EDNRB: variants seen among roughly 807,000 people sequenced by gnomAD.
EDNRB encodes Hirschsprung disease 2.
In EDNRB, 18 loss-of-function variants were observed where a neutral mutation model predicts 46.4. The ratio of observed to expected loss-of-function variants is 0.39; its 90% confidence interval spans 0.27 to 0.57. The LOEUF (loss-of-function observed/expected upper bound fraction) is 0.57. EDNRB is among the 20% of genes least tolerant of loss of function. The pLI is 0.61. For synonymous variants in EDNRB, 213 were observed against 204.9 expected (o/e 1.04, Z -0.34); for missense variants, 434 against 537.5 (o/e 0.81, Z 1.90).
At chr13:77,944,211 CAGTG>C (rs1327705575) in intron 1 of EDNRB, among the ~76,000 whole-genome samples, 2 of 152,086 alleles carry the variant, frequency 1.3e-5, no homozygotes, top group Non-Finnish European at 2.9e-5. Flanking sequence ...CAATGAGGCT[CAGTG>C]TAAGCAATAA....
rs1880714254 is a variant in EDNRB at position 77,940,583 on chromosome 13, C to G, written c.-51-21959G>C. Among the ~76,000 whole-genome samples the G allele has an allele frequency of 2.6e-5, 4 of 152,146 alleles. No homozygotes were observed. In the South Asian group the frequency reaches 8.3e-4, roughly 32 times the overall value. On this transcript the variant is annotated intron_variant, in intron 1 of 7. Coordinates refer to the EDNRB transcript ENST00000646948. ...GAAACAGGAAGCTCTAATACACCAA[C>G]TTAAGATGACTGTGGTTTACCTCTT...
intron 1 of EDNRB, among the ~76,000 whole-genome samples, chr13:77,930,612 A>G (rs1471524081): frequency 6.6e-6 from 1 of 152,232 alleles, no homozygotes; most frequent in Non-Finnish European, 1.5e-5. Context: ...ACAACAGTAG[A>G]CATAAACCAT....
At chr13:77,912,252 G>A (rs1879608116) in intron 1 of EDNRB, among the ~76,000 whole-genome samples, 1 of 152,064 alleles carries the variant, frequency 6.6e-6, no homozygotes, top group African/African-American at 2.4e-5. Context: ...GACATTTGTA[G>A]AGGCTTGGAT....
intron 1 of EDNRB, among the ~76,000 whole-genome samples, chr13:77,959,250 G>A (rs375366479): frequency 2.5e-4 from 38 of 152,250 alleles, no homozygotes; most frequent in Admixed American, 1.1e-3. Context: ...CTCCTCAAGC[G>A]GGTCCCTGAC....
chr13:77,928,698 C>G (rs908853725), intron 1 of EDNRB, among the ~76,000 whole-genome samples: 2 of 152,090 alleles, frequency 1.3e-5, no homozygotes, highest in Admixed American at 1.3e-4. Flanking sequence ...TCTCTGAAGT[C>G]AAGAGAAGAT....
upstream of EDNRB, among the ~76,000 whole-genome samples, chr13:77,921,932 G>C (rs1566319756): frequency 6.6e-6 from 1 of 152,020 alleles, no homozygotes; most frequent in South Asian, 2.1e-4. Context: ...CATGCCTTGA[G>C]CAGTACTGCT....
At chr13:77,956,925 G>T (rs1485051180) in intron 1 of EDNRB, among the ~76,000 whole-genome samples, 2 of 152,120 alleles carry the variant, frequency 1.3e-5, no homozygotes, top group Admixed American at 6.5e-5. Context: ...AGTATAATCT[G>T]CCTTCAAAAG....
At position 77,897,375 on chromosome 13, in the gene EDNRB, G is replaced by T; in HGVS notation, c.*825C>A. ...GTCTTCACAGGGTATGTGAATGACAGATTCAAAAAAGTCTTTTGGGATAGC... is the reference window on the plus strand; with the variant it reads ...GTCTTCACAGGGTATGTGAATGACATATTCAAAAAAGTCTTTTGGGATAGC... On this transcript the variant is annotated 3_prime_UTR_variant, in exon 7 of 7. Transcript: ENST00000646607. 4 of 985,230 alleles carry T rather than the reference G, an allele frequency of 4.1e-6. No homozygotes were observed. Among genetic ancestry groups the T allele is most frequent in the Non-Finnish European group, 4.8e-6 (4 of 829,822 alleles). 61.0% of individuals were successfully genotyped at this position (985,230 alleles called of 1,614,324 possible).
At chr13:77,943,780 C>T (rs1880819536) in intron 1 of EDNRB, among the ~76,000 whole-genome samples, 1 of 152,018 alleles carries the variant, frequency 6.6e-6, no homozygotes, top group African/African-American at 2.4e-5. Flanking sequence ...CTTCAGCAAT[C>T]AGAAATATAC....
chr13:77,941,104 C>G (rs1336460044), intron 1 of EDNRB, among the ~76,000 whole-genome samples: 2 of 152,216 alleles, frequency 1.3e-5, no homozygotes, highest in East Asian at 1.9e-4. Context: ...TAATATAGTT[C>G]TTAGACACAG....
At chr13:77,975,065 G>T (rs1256552872) in intron 1 of EDNRB, among the ~76,000 whole-genome samples, 2 of 152,084 alleles carry the variant, frequency 1.3e-5, no homozygotes, top group African/African-American at 2.4e-5. Context: ...CAAAATCAGA[G>T]TATCCAGAAA....
At chr13:77,956,641 T>G (rs1405545475) in intron 1 of EDNRB, among the ~76,000 whole-genome samples, 1 of 152,234 alleles carries the variant, frequency 6.6e-6, no homozygotes, top group Non-Finnish European at 1.5e-5. Context: ...AATTTATTAT[T>G]GTGCAGTAGG....
At chr13:77,925,859 C>T (rs1431286165) in intron 1 of EDNRB, among the ~76,000 whole-genome samples, 2 of 152,154 alleles carry the variant, frequency 1.3e-5, no homozygotes, top group South Asian at 2.1e-4. Context: ...CAATCAATGC[C>T]GGCCCACGAA....
chr13:77,906,421 T>C (rs1428891378), intron 1 of EDNRB, among the ~76,000 whole-genome samples: 2 of 152,044 alleles, frequency 1.3e-5, no homozygotes, highest in African/African-American at 4.8e-5. Flanking sequence ...TCCCTGCCTT[T>C]GAATGTGGAT....
Position 77,903,309 on chromosome 13 carries a change from T to C in EDNRB, c.648A>G (p.Lys216=). 1 of 1,612,930 alleles carries C rather than the reference T, an allele frequency of 6.2e-7. No individual in the cohort carries two copies. The highest frequency in any genetic ancestry group is 8.5e-7 in the Non-Finnish European group (1 of 1,179,314). ...TCAAAACAATTTCTACTGCTGTCCA[T>C]TTTGGAACCCCAATTCCTTTAATTC... ...WSRIKGIGVP[K]WTAVEIVLIW... The change falls in exon 3 of 7, where the codon AAA becomes AAG. Residue 216 remains lysine (K), a synonymous_variant. Transcript: ENST00000646607.
At chr13:77,908,362 TAGTG>T (rs1208595752) in intron 1 of EDNRB, among the ~76,000 whole-genome samples, 1 of 150,458 alleles carries the variant, frequency 6.6e-6, no homozygotes, top group East Asian at 2.0e-4. Flanking sequence ...TTAGGCAAGC[TAGTG>T]CTTGAAGCTT....
chr13:77,931,771 A>C (rs554600517), intron 1 of EDNRB, among the ~76,000 whole-genome samples: 1 of 143,072 alleles, frequency 7.0e-6, no homozygotes, highest in South Asian at 2.3e-4. Flanking sequence ...CAAAAAAAAA[A>C]AAACAAAAAA....
chr13:77,961,364 T>A (rs1385874965), intron 1 of EDNRB, among the ~76,000 whole-genome samples: 1 of 150,678 alleles, frequency 6.6e-6, no homozygotes, highest in South Asian at 2.1e-4. Context: ...CAGCACCACG[T>A]CGCACATAGT....
At chr13:77,936,326 T>G (rs1018659176) in intron 1 of EDNRB, among the ~76,000 whole-genome samples, 2 of 152,062 alleles carry the variant, frequency 1.3e-5, no homozygotes, top group Non-Finnish European at 2.9e-5. Context: ...CAGGTGGGGA[T>G]AACTAAAAAG....
Sources: allele counts gnomAD v4.1 joint callset (sites outside exome capture counted in the v4.1 genomes callset), GRCh38; gene constraint gnomAD v4.1.1; transcripts MANE v1.5; gene names NCBI Gene and HGNC (gene_info 2026-07-23, HGNC 2026-07-21).